The following ZFAT variants were observed in gnomAD, a reference collection of about 807,000 sequenced individuals.
ZFAT encodes the protein zinc finger and AT-hook domain containing, also known as zinc finger protein ZFAT.
ZFAT carries 64 observed loss-of-function variants against 117.7 expected under a neutral mutation model. The ratio of observed to expected loss-of-function variants is 0.54; its 90% confidence interval spans 0.44 to 0.67. The LOEUF (loss-of-function observed/expected upper bound fraction) is 0.67, where lower values mean the gene tolerates loss of function less well. Ranked by LOEUF, ZFAT falls within the 30% of genes least tolerant of loss-of-function variation. The probability of loss-of-function intolerance (pLI) is 0.00; values close to 1 mark genes in which losing one functional copy is unlikely to be tolerated. For missense variants in ZFAT, 1,433 were observed against 1,584.5 expected (o/e 0.90, Z 1.62); for synonymous variants, 679 against 615.0 (o/e 1.10, Z -1.54).
At chr8:134,689,315 G>A (rs1040595575) in intron 1 of ZFAT, among the ~76,000 whole-genome samples, 5 of 152,202 alleles carry the variant, frequency 3.3e-5, no homozygotes, top group African/African-American at 7.2e-5. Flanking sequence ...TACTCTTGGC[G>A]CTCTGCCTAC....
intron 14 of ZFAT, chr8:134,510,921 A>T (rs1300212736): frequency 7.0e-6 from 1 of 143,288 alleles, no homozygotes; most frequent in African/African-American, 2.5e-5. Flanking sequence ...ATTAGGAAAC[A>T]GTGCAGAAAA....
chr8:134,508,676 C>T (rs1017816693), intron 15 of ZFAT, among the ~76,000 whole-genome samples: 6 of 152,168 alleles, frequency 3.9e-5, no homozygotes, highest in South Asian at 2.1e-4. Flanking sequence ...CTGGTTTATT[C>T]GAGCTTTATC....
At chr8:134,565,069 T>G in intron 11 of ZFAT, 1 of 1,438,490 alleles carries the variant, frequency 7.0e-7, no homozygotes, top group Non-Finnish European at 9.2e-7. Flanking sequence ...AGTGCTTTTA[T>G]GCAAAGATCG....
intron 15 of ZFAT, among the ~76,000 whole-genome samples, chr8:134,490,181 A>G (rs978137714): frequency 2.0e-5 from 3 of 152,212 alleles, no homozygotes; most frequent in African/African-American, 7.2e-5. Flanking sequence ...AATGCCACAA[A>G]CATAGATGGG....
the ZFAT span, among the ~76,000 whole-genome samples, chr8:134,802,146 C>T: frequency 6.6e-6 from 1 of 152,122 alleles, no homozygotes; most frequent in South Asian, 2.1e-4. Flanking sequence ...TAATATGGTA[C>T]AGATAAGAAA....
At chr8:134,594,542 A>G (rs988271091) in intron 7 of ZFAT, among the ~76,000 whole-genome samples, 1 of 152,238 alleles carries the variant, frequency 6.6e-6, no homozygotes, top group African/African-American at 2.4e-5. Flanking sequence ...ACATTTGTTG[A>G]GAGACCATCA....
At chr8:134,533,480 G>C (rs1821587316) in intron 11 of ZFAT, among the ~76,000 whole-genome samples, 1 of 152,206 alleles carries the variant, frequency 6.6e-6, no homozygotes, top group East Asian at 1.9e-4. Flanking sequence ...CTACAGCTGT[G>C]TAAGTACATT....
Position 134,523,728 on chromosome 8 carries a change from C to A in ZFAT, c.3116-2727G>T, listed in dbSNP as rs143019140. Among the ~76,000 whole-genome samples, 669 of 152,320 alleles carry A rather than the reference C, an allele frequency of 4.4e-3. 3 individuals carry two copies. Among genetic ancestry groups the A allele is most frequent in the Admixed American group, 7.3e-3 (111 of 15,304 alleles). The stretch of plus-strand genomic sequence containing the variant: ...CTCTGTCTTTTGCACTGACCAAGTT[C>A]ATTCCCTTCCTGGGATAACTGCTGT... On this transcript the variant is annotated intron_variant, in intron 12 of 15. Coordinates refer to ENST00000377838, the MANE Select transcript of ZFAT (RefSeq NM_020863.4).
intron 3 of ZFAT, among the ~76,000 whole-genome samples, chr8:134,620,960 C>T (rs1057461333): frequency 3.9e-5 from 6 of 152,160 alleles, no homozygotes; most frequent in African/African-American, 1.4e-4. Flanking sequence ...GAACCCTCTT[C>T]AAATATCCTG....
chr8:134,516,407 G>C (rs1450888297), intron 13 of ZFAT, among the ~76,000 whole-genome samples: 1 of 152,186 alleles, frequency 6.6e-6, no homozygotes, highest in African/African-American at 2.4e-5. Flanking sequence ...GACATCATTA[G>C]AAGGTTGCAA....
chr8:134,686,640 C>T lies in ZFAT; in HGVS notation c.19+26205G>A, dbSNP rs73713506. Among the ~76,000 whole-genome samples the T allele has an allele frequency of 7.6e-3, 1,150 of 152,286 alleles. 16 individuals carry two copies. Among genetic ancestry groups the T allele is most frequent in the African/African-American group, 0.026 (1,072 of 41,556 alleles). On this transcript the variant is annotated intron_variant, in intron 1 of 15. Transcript: ENST00000377838. ...TTTTGGCCCTCGTAGCTGTGTGACC[C>T]TGCGCACACACACTTGGCCTCTCTG...
At chr8:134,481,483 A>G (rs965482318) in intron 15 of ZFAT, among the ~76,000 whole-genome samples, 35 of 152,308 alleles carry the variant, frequency 2.3e-4, no homozygotes, top group Admixed American at 1.4e-3. Flanking sequence ...CCTAAAGAGG[A>G]CAGTGACTCC....
chr8:134,601,926 A>G lies in ZFAT; in HGVS notation c.1793T>C (p.Leu598Ser), dbSNP rs746162421. Residue 598 changes from leucine to serine, a missense_variant, in exon 6 of 16, where the codon TTG becomes TCG. By Grantham distance (145) the Leu-to-Ser change is moderately radical. Around this residue, in one of 5 missense-constraint regions of ZFAT, gnomAD observed 372 missense variants for 355.6 expected, o/e 1.05. Coordinates refer to ENST00000377838, the MANE Select transcript of ZFAT (RefSeq NM_020863.4). The part of the protein sequence containing the change: ...HSQEVVSDDF[L>S]LKNDTSSAEA... ...TGCGGAGGAGGTATCATTTTTCAAC[A>G]AAAAATCATCTGAAACCACCTCTTG... The G allele has an allele frequency of 4.9e-5, 79 of 1,613,920 alleles. No individual in the cohort carries two copies. Among genetic ancestry groups the G allele is most frequent in the Non-Finnish European group, 6.4e-5 (76 of 1,179,982 alleles).
intron 11 of ZFAT, among the ~76,000 whole-genome samples, chr8:134,559,025 G>A (rs1254718713): frequency 6.6e-6 from 1 of 152,146 alleles, no homozygotes; most frequent in East Asian, 1.9e-4. Flanking sequence ...TCATAGGATG[G>A]TATCATGGAT....
chr8:134,668,384 G>C (rs1372841558), intron 1 of ZFAT, among the ~76,000 whole-genome samples: 2 of 152,218 alleles, frequency 1.3e-5, no homozygotes, highest in Non-Finnish European at 2.9e-5. Flanking sequence ...TCACATAGCT[G>C]GGTACTCCTC....
the ZFAT span, among the ~76,000 whole-genome samples, chr8:134,769,869 G>A: frequency 6.6e-6 from 1 of 152,208 alleles, no homozygotes; most frequent in African/African-American, 2.4e-5. Context: ...AACGCCATGT[G>A]GAAGCTGCCA....
At chr8:134,716,415 T>G (rs931723587), upstream of ZFAT, among the ~76,000 whole-genome samples, 1 of 152,230 alleles carries the variant, frequency 6.6e-6, no homozygotes, top group African/African-American at 2.4e-5. Flanking sequence ...CTTTTCCACC[T>G]GTCTTTCCAG....
chr8:134,786,512 G>A, the ZFAT span, among the ~76,000 whole-genome samples: 2 of 152,096 alleles, frequency 1.3e-5, no homozygotes, highest in African/African-American at 4.8e-5. Flanking sequence ...TGCATTCACT[G>A]AGATAGTAAC....
intron 2 of ZFAT, among the ~76,000 whole-genome samples, chr8:134,652,956 T>G (rs796373587): frequency 6.6e-6 from 1 of 152,092 alleles, no homozygotes; most frequent in South Asian, 2.1e-4. Flanking sequence ...ATGATATTCA[T>G]GACAACATTT....
Sources: allele counts gnomAD v4.1 joint callset (sites outside exome capture counted in the v4.1 genomes callset), GRCh38; gene constraint gnomAD v4.1.1; regional missense constraint gnomAD v4.1.1; transcripts MANE v1.5; gene names NCBI Gene and HGNC (gene_info 2026-07-23, HGNC 2026-07-21).